ATP8A1: variants seen among roughly 807,000 people sequenced by gnomAD.
ATP8A1 encodes ATPase phospholipid transporting 8A1.
Under a neutral mutation model 177.7 loss-of-function variants are expected in ATP8A1, and 90 were observed. That is an observed-to-expected ratio of 0.51 (90% CI 0.43 to 0.60). The LOEUF (loss-of-function observed/expected upper bound fraction) is 0.60. Among genes scored for constraint, ATP8A1 ranks in the 20% least tolerant of loss-of-function variants. ATP8A1 has a pLI of 0.00. For synonymous variants in ATP8A1, 493 were observed against 485.9 expected, an observed-to-expected ratio of 1.01 and a Z score of -0.19; for missense variants, 1,072 against 1,392.8, an observed-to-expected ratio of 0.77 and a Z score of 3.67.
chr4:42,450,259 G>A (rs528788868), intron 30 of ATP8A1, among the ~76,000 whole-genome samples: 169 of 152,296 alleles, frequency 1.1e-3, no homozygotes, highest in Non-Finnish European at 1.9e-3. Flanking sequence ...AAAATGTCTA[G>A]AATAGGTAAA....
chr4:42,657,038 G>C lies in ATP8A1; in HGVS notation c.-165C>G. ...CCGCCGGGCGCGGCCCCCGCACGCC[G>C]ACAGGAGGAGGAGAAAGGCAGCGGT... On this transcript the variant is annotated 5_prime_UTR_variant, in exon 1 of 37. Coordinates refer to ENST00000381668, the MANE Select transcript of ATP8A1 (RefSeq NM_006095.2). The C allele has an allele frequency of 1.6e-6, 1 of 617,038 alleles. No homozygotes were observed. The highest frequency in any genetic ancestry group is 2.3e-6 in the Non-Finnish European group (1 of 426,550). 38.2% of individuals were successfully genotyped at this position (617,038 alleles called of 1,614,324 possible). A position where few individuals can be genotyped will look rare whatever the true frequency, so the allele number is the denominator to read the frequency against.
intron 25 of ATP8A1, among the ~76,000 whole-genome samples, chr4:42,466,607 T>C (rs1038920365): frequency 2.0e-5 from 3 of 152,230 alleles, no homozygotes; most frequent in African/African-American, 4.8e-5. Flanking sequence ...AGATACTCAA[T>C]ACATGGTTGC....
chr4:42,653,395 T>A (rs1020024248), intron 1 of ATP8A1, among the ~76,000 whole-genome samples: 1 of 152,196 alleles, frequency 6.6e-6, no homozygotes, highest in Non-Finnish European at 1.5e-5. Flanking sequence ...CTTTTCCTCT[T>A]CTGTTAACTG....
In ATP8A1 at chr4:42,588,149, A is replaced by ATC. The variant is rs1333789833; in HGVS notation, c.594+110_594+111insGA. 2.5e-4 allele frequency: 200 copies of ATC among 791,856 alleles called. 1 individual carries two copies. The highest frequency in any genetic ancestry group is 4.2e-4 in the Admixed American group (15 of 35,786). The allele number at this position is 791,856 out of a possible 1,614,324, so 49.1% of individuals were successfully genotyped here. ...ACCTCTTTGTTGTGGTTCCATGGGA[A>ATC]CATATTTGCAATAGGACAGATTAGT... On this transcript the variant is annotated intron_variant, in intron 8 of 36. Transcript: ENST00000381668.
At chr4:42,571,188 G>T (rs1264232640) in intron 14 of ATP8A1, among the ~76,000 whole-genome samples, 1 of 152,150 alleles carries the variant, frequency 6.6e-6, no homozygotes, top group African/African-American at 2.4e-5. Flanking sequence ...ATTTCTCGTG[G>T]TGAGTCTCTT....
At chr4:42,455,791 T>A (rs971927730) in intron 27 of ATP8A1, among the ~76,000 whole-genome samples, 192 bp from the exon 28 acceptor site, 5 of 152,232 alleles carry the variant, frequency 3.3e-5, no homozygotes, top group African/African-American at 1.2e-4. Context: ...TTGTTATTTA[T>A]GTCAGAATTG....
At chr4:42,558,871 C>T (rs112449016) in intron 15 of ATP8A1, among the ~76,000 whole-genome samples, 4 of 152,262 alleles carry the variant, frequency 2.6e-5, no homozygotes, top group African/African-American at 9.6e-5. Flanking sequence ...AATATTTCTG[C>T]ATAGCAAAAA....
chr4:42,537,179 C>T (rs933662196), intron 20 of ATP8A1, among the ~76,000 whole-genome samples: 6 of 150,998 alleles, frequency 4.0e-5, no homozygotes, highest in African/African-American at 1.5e-4. Flanking sequence ...ACGTGATCAT[C>T]TCAATAGATG....
At chr4:42,632,437 C>T (rs1738838597) in intron 1 of ATP8A1, among the ~76,000 whole-genome samples, 1 of 152,094 alleles carries the variant, frequency 6.6e-6, no homozygotes, top group South Asian at 2.1e-4. Context: ...CCAGTATTTG[C>T]TATGCATATT....
In ATP8A1 at chr4:42,507,798, A is replaced by AAAAAAAAC. The variant is rs1724588773; in HGVS notation, c.1948-645_1948-644insGTTTTTTT. Among the ~76,000 whole-genome samples, 8 of 124,738 alleles carry AAAAAAAAC rather than the reference A, an allele frequency of 6.4e-5. 1 individual carries two copies. The highest frequency in any genetic ancestry group is 2.9e-4 in the East Asian group (1 of 3,398). 81.8% of individuals were successfully genotyped at this position (124,738 alleles called of 152,430 possible). ...GGCATTCTAAAAAAAAAAAAAAAAA[A>AAAAAAAAC]AAAAAAAAAAACATACAAACAGCTA... On this transcript the variant is annotated intron_variant, in intron 22 of 36. Coordinates refer to ENST00000381668, the MANE Select transcript of ATP8A1 (RefSeq NM_006095.2).
intron 2 of ATP8A1, 147 bp from the exon 3 acceptor site, chr4:42,625,860 C>T: frequency 2.2e-6 from 1 of 451,414 alleles, no homozygotes; most frequent in East Asian, 3.5e-5. Context: ...GGGTCATTAA[C>T]CTAAATGAAA....
intron 22 of ATP8A1, among the ~76,000 whole-genome samples, chr4:42,516,687 T>C (rs561338607): frequency 1.3e-5 from 2 of 152,294 alleles, no homozygotes; most frequent in South Asian, 2.1e-4. Flanking sequence ...TTTCAAACAA[T>C]GGTTTAATTA....
At chr4:42,569,258 G>T (rs892553557) in intron 14 of ATP8A1, 53 bp from the exon 15 acceptor site, 6 of 1,446,650 alleles carry the variant, frequency 4.1e-6, no homozygotes, top group South Asian at 1.2e-5. Context: ...TCACAGAAAG[G>T]CTGGAAACAT....
chr4:42,449,826 C>T (rs983800796), intron 30 of ATP8A1, among the ~76,000 whole-genome samples: 1 of 152,184 alleles, frequency 6.6e-6, no homozygotes, highest in Non-Finnish European at 1.5e-5. Context: ...CTAGGAACTG[C>T]TTCTCTGGAA....
chr4:42,530,853 T>C (rs543384576), intron 20 of ATP8A1, among the ~76,000 whole-genome samples: 2 of 152,154 alleles, frequency 1.3e-5, no homozygotes, highest in South Asian at 4.1e-4. Context: ...GAAGTGGAAG[T>C]GGCACCACTC....
In ATP8A1 at chr4:42,584,664, G is replaced by A. The variant is rs1414931975; in HGVS notation, c.722+1685C>T. Among the ~76,000 whole-genome samples, 3 of 152,022 alleles carry A rather than the reference G, an allele frequency of 2.0e-5. No homozygotes were observed. In the East Asian group the frequency reaches 5.8e-4, roughly 29 times the overall value. ...TTGGAGGGTCTCAGGATAGCTCTTG[G>A]GTCTCTTCAGTTTTCTGTCTATACC... On this transcript the variant is annotated intron_variant, in intron 9 of 36. Transcript: ENST00000381668.
Position 42,624,642 on chromosome 4 carries a change from GAAAAAA to G in ATP8A1, c.265-14_265-9del. 2 of 969,022 alleles carry G rather than the reference GAAAAAA, an allele frequency of 2.1e-6. No homozygotes were observed. The highest frequency in any genetic ancestry group is 2.8e-6 in the Non-Finnish European group (2 of 706,744). 60.0% of individuals were successfully genotyped at this position (969,022 alleles called of 1,614,324 possible). A position where few individuals can be genotyped will look rare whatever the true frequency, so the allele number is the denominator to read the frequency against. ...TGACACATCAGGTATTTGCTGTTTGGAAAAAAAAAAAAAAGAGAAATCCAATGAGAA... is the reference window on the plus strand; with the variant it reads ...TGACACATCAGGTATTTGCTGTTTGGAAAAAAAAGAGAAATCCAATGAGAA... On this transcript the variant is annotated splice_polypyrimidine_tract_variant and intron_variant, in intron 3 of 36. Transcript: ENST00000381668.
intron 22 of ATP8A1, among the ~76,000 whole-genome samples, chr4:42,515,560 A>G (rs2153196567): frequency 6.6e-6 from 1 of 152,318 alleles, no homozygotes; most frequent in Admixed American, 6.5e-5. Flanking sequence ...CCATCCCCCA[A>G]ATGTCAACCA....
At chr4:42,656,651 TGCGAGTACACTGGGGGCA>T (rs1741657348) in intron 1 of ATP8A1, among the ~76,000 whole-genome samples, 156 bp downstream of exon 1, 1 of 152,048 alleles carries the variant, frequency 6.6e-6, no homozygotes, top group African/African-American at 2.4e-5. Context: ...GGAAAGGGTC[TGCGAGTACACTGGGGGCA>T]GCGCGGGGGG....
Sources: allele counts gnomAD v4.1 joint callset (sites outside exome capture counted in the v4.1 genomes callset), GRCh38; gene constraint gnomAD v4.1.1; transcripts MANE v1.5; gene names NCBI Gene and HGNC (gene_info 2026-07-23, HGNC 2026-07-21).